Variants in SEMA6D observed in about 807,000 individuals in gnomAD.
The protein encoded by SEMA6D is semaphorin-6D.
In SEMA6D, 35 loss-of-function variants were observed where a neutral mutation model predicts 106.6. The observed-to-expected ratio is 0.33, with a 90% confidence interval of 0.25 to 0.44. The LOEUF is 0.44. Among genes scored for constraint, SEMA6D ranks in the 20% least tolerant of loss-of-function variants. SEMA6D has a pLI of 1.00. For missense variants in SEMA6D, 1,185 were observed against 1,345.9 expected, an observed-to-expected ratio of 0.88 and a Z score of 1.87; for synonymous variants, 499 against 487.7, an observed-to-expected ratio of 1.02 and a Z score of -0.31.
intron 1 of SEMA6D, among the ~76,000 whole-genome samples, chr15:47,239,301 A>C (rs1306108842): frequency 1.3e-5 from 2 of 152,202 alleles, no homozygotes; most frequent in Non-Finnish European, 2.9e-5. Flanking sequence ...CTTATTCTAC[A>C]TTATGGTAAG....
intron 3 of SEMA6D, among the ~76,000 whole-genome samples, chr15:47,587,605 C>T (rs1234532511): frequency 3.9e-5 from 6 of 152,096 alleles, no homozygotes; most frequent in African/African-American, 7.2e-5. Flanking sequence ...AAAGGACAAG[C>T]TAGTCAATAT....
rs933499485 is a variant in SEMA6D, at chr15:47,524,636, G to C, written c.-87+54091G>C. On this transcript the variant is annotated intron_variant, in intron 3 of 19. Transcript: ENST00000558014. ...CCAAAAGATTCGGAGGTGTGATCTC[G>C]TTAGAGGGAGACAGAACTACAGTAT... Among the ~76,000 whole-genome samples, 5 of 152,234 alleles carry C rather than the reference G, an allele frequency of 3.3e-5. No homozygotes were observed. In the South Asian group the frequency reaches 1.0e-3, roughly 32 times the overall value.
rs150610279 is a variant in SEMA6D, at chr15:47,359,258, C to A, written c.-238-53135C>A. On this transcript the variant is annotated intron_variant, in intron 1 of 19. Transcript: ENST00000558014. ...ATATGTGTATGTGTACATATGACAC[C>A]CAGTTAGTACTTATTGAATTGGCTA... Among the ~76,000 whole-genome samples, 664 of 151,804 alleles carry A rather than the reference C, an allele frequency of 4.4e-3. 2 individuals are homozygous for A. Among genetic ancestry groups the A allele is most frequent in the African/African-American group, 0.015 (634 of 41,380 alleles).
chr15:47,552,890 A>AT (rs1265251330), intron 3 of SEMA6D, among the ~76,000 whole-genome samples: 398 of 16,800 alleles, frequency 0.024, 12 homozygotes, highest in Non-Finnish European at 0.037. Flanking sequence ...AAATATATAT[A>AT]AATATATATA....
intron 1 of SEMA6D, among the ~76,000 whole-genome samples, chr15:47,314,568 A>C (rs2036570644): frequency 8.3e-6 from 1 of 120,182 alleles, no homozygotes; most frequent in Admixed American, 9.6e-5. Context: ...ACTGCACTCC[A>C]GCCTGGGCGA....
intron 2 of SEMA6D, among the ~76,000 whole-genome samples, chr15:47,420,230 G>C (rs1279643121): frequency 1.8e-4 from 27 of 152,146 alleles, no homozygotes. Context: ...TTTAATCAGA[G>C]GATACCTTTG....
chr15:47,432,687 G>C (rs1414836938), intron 2 of SEMA6D, among the ~76,000 whole-genome samples: 2 of 150,138 alleles, frequency 1.3e-5, no homozygotes, highest in Non-Finnish European at 3.0e-5. Context: ...AGAAGAAACA[G>C]AACAGGCAAC....
At chr15:47,329,170 G>A (rs960639449) in intron 1 of SEMA6D, among the ~76,000 whole-genome samples, 2 of 152,194 alleles carry the variant, frequency 1.3e-5, no homozygotes, top group African/African-American at 4.8e-5. Flanking sequence ...GGTGAGCAAG[G>A]CAGAGTGAGA....
At chr15:47,562,081 A>G (rs1473255783) in intron 3 of SEMA6D, among the ~76,000 whole-genome samples, 1 of 152,066 alleles carries the variant, frequency 6.6e-6, no homozygotes, top group Non-Finnish European at 1.5e-5. Context: ...GAGTTGATAT[A>G]GTCATAAAAA....
chr15:47,730,273 C>T (rs2080031169), intron 1 of SEMA6D: 10 of 1,539,430 alleles, frequency 6.5e-6, no homozygotes, highest in Admixed American at 5.0e-5. Context: ...TGTAATTGGT[C>T]CTGATAGCTT....
chr15:47,636,921 T>C (rs967816427), intron 4 of SEMA6D, among the ~76,000 whole-genome samples: 1 of 152,204 alleles, frequency 6.6e-6, no homozygotes, highest in African/African-American at 2.4e-5. Flanking sequence ...ATGGCTGCCC[T>C]AGGCTGGGCT....
intron 4 of SEMA6D, among the ~76,000 whole-genome samples, chr15:47,710,860 A>G (rs1478879102): frequency 6.6e-6 from 1 of 152,140 alleles, no homozygotes; most frequent in African/African-American, 2.4e-5. Flanking sequence ...TAAAAATATC[A>G]ATTTGAAGTG....
chr15:47,270,163 A>G (rs1369428961), intron 1 of SEMA6D, among the ~76,000 whole-genome samples: 1 of 147,086 alleles, frequency 6.8e-6, no homozygotes, highest in East Asian at 1.9e-4. Context: ...TATGTTATAA[A>G]TATATTTATT....
At chr15:47,320,244 A>C (rs2036872028) in intron 1 of SEMA6D, among the ~76,000 whole-genome samples, 1 of 152,110 alleles carries the variant, frequency 6.6e-6, no homozygotes, top group Non-Finnish European at 1.5e-5. Context: ...TATCATATCC[A>C]AGGAGACCTC....
intron 3 of SEMA6D, among the ~76,000 whole-genome samples, chr15:47,515,455 C>A (rs1450934499): frequency 6.6e-6 from 1 of 152,166 alleles, no homozygotes; most frequent in Non-Finnish European, 1.5e-5. Context: ...CTAAAATCAC[C>A]TTTGACACAT....
intron 1 of SEMA6D, among the ~76,000 whole-genome samples, chr15:47,202,729 T>TGCG (rs1894804713): frequency 6.6e-6 from 1 of 152,192 alleles, no homozygotes. Context: ...CTCTAAAACT[T>TGCG]GCCGCAGTTT....
At chr15:47,522,247 C>T (rs775704198) in intron 3 of SEMA6D, among the ~76,000 whole-genome samples, 1 of 152,212 alleles carries the variant, frequency 6.6e-6, no homozygotes, top group African/African-American at 2.4e-5. Flanking sequence ...TTTGTAATCA[C>T]ATTTCAAACT....
At position 47,195,656 on chromosome 15, in the gene SEMA6D, C is replaced by T. The variant is rs1046298073; in HGVS notation, c.-239+11238C>T. ...CTCTCACGGGAGACTTTCCTAATGT[C>T]CTTTAACCCCTGACCCTGACCAATT... On this transcript the variant is annotated intron_variant, in intron 1 of 19. Coordinates refer to the SEMA6D transcript ENST00000558014. Among the ~76,000 whole-genome samples the T allele has an allele frequency of 1.1e-4, 16 of 152,204 alleles. No homozygotes were observed. The East Asian group carries it at 2.3e-3, about 22-fold the overall frequency.
intron 1 of SEMA6D, among the ~76,000 whole-genome samples, chr15:47,388,975 C>T (rs760882424): frequency 3.3e-5 from 5 of 152,126 alleles, no homozygotes; most frequent in Non-Finnish European, 5.9e-5. Context: ...TACAAATCTG[C>T]CATTTCAGTA....
Sources: gnomAD v4.1 joint callset for allele counts (sites outside exome capture counted in the v4.1 genomes callset) on GRCh38, gnomAD v4.1.1 for gene constraint, MANE v1.5 for transcripts, NCBI Gene and HGNC (gene_info 2026-07-23, HGNC 2026-07-21) for gene names.